DCTD: variants seen among roughly 807,000 people sequenced by gnomAD.
DCTD encodes deoxycytidylate deaminase.
A neutral mutation model predicts 21.0 loss-of-function variants in DCTD; 23 were observed. The ratio of observed to expected loss-of-function variants is 1.09; its 90% confidence interval spans 0.79 to 1.55. DCTD has a LOEUF of 1.55. Among genes scored for constraint, DCTD ranks in the 40% most tolerant of loss-of-function variants. DCTD has a pLI of 0.00. For synonymous variants in DCTD, 71 were observed against 81.1 expected (o/e 0.88, Z 0.67); for missense variants, 224 against 230.0 (o/e 0.97, Z 0.17).
intron 3 of DCTD, among the ~76,000 whole-genome samples, chr4:182,897,597 C>A (rs978037291): frequency 2.6e-5 from 4 of 151,864 alleles, no homozygotes; most frequent in Non-Finnish European, 5.9e-5. Context: ...CTAAAAGGAA[C>A]AATCCAAAAT....
At position 182,894,565 on chromosome 4, in the gene DCTD, C is replaced by G. The variant is rs776336479; in HGVS notation, c.285G>C (p.Ser95=). The change falls in exon 4 of 6, where the codon TCG becomes TCC. Residue 95 remains serine (S), a synonymous_variant. Coordinates refer to ENST00000438320, the MANE Select transcript of DCTD (RefSeq NM_001921.3). ...ACATACTACAGCCTTTCACATCGGT[C>G]GAATTTTTGTTCATGATGGCATTCA... ...AELNAIMNKN[S]TDVKGCSMYV... The G allele has an allele frequency of 1.9e-6, 3 of 1,614,124 alleles. No homozygotes were observed. The highest frequency in any genetic ancestry group is 2.5e-6 in the Non-Finnish European group (3 of 1,179,998).
At chr4:182,892,984 C>CA in intron 5 of DCTD, 47 bp downstream of exon 5, 1 of 1,147,658 alleles carries the variant, frequency 8.7e-7, no homozygotes, top group Non-Finnish European at 1.3e-6. Flanking sequence ...ATCTCTTCAT[C>CA]AGCCTTCACC....
chr4:182,912,041 C>T (rs1294851712), intron 3 of DCTD, among the ~76,000 whole-genome samples: 2 of 151,900 alleles, frequency 1.3e-5, no homozygotes, highest in Non-Finnish European at 2.9e-5. Context: ...CCTGCTACAG[C>T]AGCTCAGTCA....
intron 4 of DCTD, among the ~76,000 whole-genome samples, chr4:182,893,871 C>T (rs1734258481): frequency 6.6e-6 from 1 of 152,256 alleles, no homozygotes; most frequent in African/African-American, 2.4e-5. Flanking sequence ...TCAAACCACA[C>T]ATTTGGCTAA....
chr4:182,915,505 C>T lies in DCTD; in HGVS notation c.64G>A (p.Val22Met), dbSNP rs1401403033. The change falls in exon 2 of 6, where the codon GTG (valine) becomes ATG (methionine). Residue 22 changes from valine to methionine, a missense_variant. Transcript: ENST00000438320. ...YLEWPEYFMA[V>M]AFLSAQRSKD... ...CTTCTCTGTGCTGATAAGAAGGCCA[C>T]AGCCATAAAATACTCTGGCCATTCC... 6.2e-7 allele frequency: 1 copy of T among 1,613,570 alleles called. No homozygotes were observed. Among genetic ancestry groups the T allele is most frequent in the Non-Finnish European group, 8.5e-7 (1 of 1,179,564 alleles).
At chr4:182,892,981 C>T in intron 5 of DCTD, 50 bp downstream of exon 5, 1 of 1,107,338 alleles carries the variant, frequency 9.0e-7, no homozygotes, top group South Asian at 1.3e-5. Context: ...TACATCTCTT[C>T]ATCAGCCTTC....
chr4:182,893,349 T>A (rs1443582356), intron 4 of DCTD, among the ~76,000 whole-genome samples: 1 of 152,122 alleles, frequency 6.6e-6, no homozygotes, highest in African/African-American at 2.4e-5. Context: ...ATTTTTTTTT[T>A]AAACAAATGC....
intron 3 of DCTD, among the ~76,000 whole-genome samples, chr4:182,907,096 C>T (rs1309936106): frequency 6.6e-6 from 1 of 152,176 alleles, no homozygotes; most frequent in Non-Finnish European, 1.5e-5. Context: ...CAGCGTGTCC[C>T]ATGTAATCAT....
At chr4:182,916,014 T>G (rs1738665229) in intron 1 of DCTD, 3 of 345,856 alleles carry the variant, frequency 8.7e-6, no homozygotes, top group Non-Finnish European at 1.3e-5. Flanking sequence ...CTAGCTAAGG[T>G]AGACAGTGCC....
upstream of DCTD, chr4:182,917,402 C>G: frequency 9.9e-7 from 1 of 1,013,344 alleles, no homozygotes; most frequent in Non-Finnish European, 1.2e-6. This position sits in a 1 kb window ranked among gnomAD's most constrained non-coding sequence, Gnocchi z 4.9. Flanking sequence ...GGGGCCGCCG[C>G]GGGGCCGGAA....
chr4:182,917,391 CG>C, upstream of DCTD: 1 of 1,039,524 alleles, frequency 9.6e-7, no homozygotes, highest in Non-Finnish European at 1.2e-6. This position sits in a 1 kb window ranked among gnomAD's most constrained non-coding sequence, Gnocchi z 4.9. Context: ...GGGGAGGAGG[CG>C]GGGCCGCCGC....
At chr4:182,893,274 A>C (rs1056297665) in intron 4 of DCTD, 147 bp from the exon 5 acceptor site, 1 of 698,718 alleles carries the variant, frequency 1.4e-6, no homozygotes, top group African/African-American at 1.8e-5. Flanking sequence ...ACTGAAATAC[A>C]TATCTGCTGC....
At chr4:182,897,786 C>A (rs759197740) in intron 3 of DCTD, among the ~76,000 whole-genome samples, 1 of 152,202 alleles carries the variant, frequency 6.6e-6, no homozygotes, top group South Asian at 2.1e-4. Context: ...AGGAGAGAAG[C>A]CCCAACCCAG....
At chr4:182,896,695 A>G (rs1202086874) in intron 3 of DCTD, among the ~76,000 whole-genome samples, 2 of 152,186 alleles carry the variant, frequency 1.3e-5, no homozygotes, top group African/African-American at 2.4e-5. Flanking sequence ...CCTTGTGACC[A>G]GGCTGCTCCA....
chr4:182,911,695 AG>A (rs1420860178), intron 3 of DCTD, among the ~76,000 whole-genome samples: 2 of 152,228 alleles, frequency 1.3e-5, no homozygotes, highest in African/African-American at 2.4e-5. Flanking sequence ...TAGAACCCTG[AG>A]ACACTACTAA....
chr4:182,915,083 T>C (rs369576584), intron 2 of DCTD, 25 bp from the exon 3 acceptor site: 6 of 1,614,036 alleles, frequency 3.7e-6, no homozygotes, highest in Non-Finnish European at 4.2e-6. Flanking sequence ...GCCCAAAGGC[T>C]TGGTGCCTGC....
At chr4:182,892,964 G>C in intron 5 of DCTD, 67 bp downstream of exon 5, 2 of 950,126 alleles carry the variant, frequency 2.1e-6, no homozygotes, top group Non-Finnish European at 3.4e-6. Context: ...GAGGAGACAA[G>C]GTCAAATACA....
chr4:182,901,517 C>CAGGCA lies in DCTD; in HGVS notation c.245-6917_245-6913dup, dbSNP rs1735737629. 8.5e-5 allele frequency among the ~76,000 whole-genome samples: 13 copies of CAGGCA among 152,292 alleles called. No individual in the cohort carries two copies. The South Asian group carries it at 2.5e-3, about 29-fold the overall frequency. ...CCCGCTAGGACCGGGGTCAGAAGGC[C>CAGGCA]AGGCATGGAGTGCCTGCTGCCACTG... On this transcript the variant is annotated intron_variant, in intron 3 of 5. Transcript: ENST00000438320.
chr4:182,915,148 A>C, intron 2 of DCTD, 90 bp from the exon 3 acceptor site: 1 of 1,528,150 alleles, frequency 6.5e-7, no homozygotes, highest in Non-Finnish European at 9.0e-7. Context: ...GGACTGCAGA[A>C]CTCAAAACAG....
Sources: gnomAD v4.1 joint callset for allele counts (sites outside exome capture counted in the v4.1 genomes callset) on GRCh38, gnomAD v4.1.1 for gene constraint, Gnocchi (gnomAD v3.1) non-coding constraint, MANE v1.5 for transcripts, NCBI Gene and HGNC (gene_info 2026-07-23, HGNC 2026-07-21) for gene names.